LRFN5: variants seen among roughly 807,000 people sequenced by gnomAD.
LRFN5 encodes leucine-rich repeat and fibronectin type-III domain-containing protein 5.
LRFN5 carries 24 observed loss-of-function variants against 45.6 expected under a neutral mutation model. That is an observed-to-expected ratio of 0.53 (90% confidence interval 0.38 to 0.74). LRFN5 has a LOEUF of 0.74. LRFN5 is among the 30% of genes least tolerant of loss of function. LRFN5 has a pLI of 0.00. For synonymous variants in LRFN5, 340 were observed against 313.8 expected (o/e 1.08, Z -0.88); for missense variants, 776 against 861.5 (o/e 0.90, Z 1.24).
At chr14:41,639,418 T>C (rs1430615660) in intron 1 of LRFN5, among the ~76,000 whole-genome samples, 1 of 152,158 alleles carries the variant, frequency 6.6e-6, no homozygotes, top group African/African-American at 2.4e-5. Flanking sequence ...GAGGTTCTCA[T>C]TGAAAGAGAA....
At chr14:41,766,357 C>T (rs2138881087) in intron 1 of LRFN5, among the ~76,000 whole-genome samples, 1 of 152,172 alleles carries the variant, frequency 6.6e-6, no homozygotes, top group Non-Finnish European at 1.5e-5. Context: ...CTTTCATAGA[C>T]ATATAGGTTG....
chr14:41,828,499 A>G (rs1226542991), intron 2 of LRFN5, among the ~76,000 whole-genome samples: 1 of 151,976 alleles, frequency 6.6e-6, no homozygotes, highest in African/African-American at 2.4e-5. Context: ...AGCACATCCA[A>G]ATCAACATGT....
At chr14:41,832,250 A>G (rs1309126945) in intron 2 of LRFN5, among the ~76,000 whole-genome samples, 1 of 152,148 alleles carries the variant, frequency 6.6e-6, no homozygotes, top group Non-Finnish European at 1.5e-5. Context: ...ATTGTCTGTG[A>G]CATGGCTAGT....
At chr14:41,792,593 C>T (rs1315614657) in intron 2 of LRFN5, among the ~76,000 whole-genome samples, 1 of 151,968 alleles carries the variant, frequency 6.6e-6, no homozygotes, top group Non-Finnish European at 1.5e-5. Context: ...TTAGCAATAT[C>T]TGTCCTACTT....
intron 2 of LRFN5, among the ~76,000 whole-genome samples, chr14:41,822,196 A>G (rs1473845911): frequency 6.6e-6 from 1 of 151,392 alleles, no homozygotes; most frequent in Non-Finnish European, 1.5e-5. Flanking sequence ...TTCTTCCGCA[A>G]ATTTTGGGCT....
chr14:41,700,882 A>G (rs984909714), intron 1 of LRFN5: 12 of 152,236 alleles, frequency 7.9e-5, no homozygotes, highest in East Asian at 7.7e-4. Context: ...TGGTAACAGT[A>G]AAGATGATGG....
At chr14:41,778,074 A>C (rs1230541090) in intron 2 of LRFN5, among the ~76,000 whole-genome samples, 1 of 150,920 alleles carries the variant, frequency 6.6e-6, no homozygotes, top group Non-Finnish European at 1.5e-5. Context: ...GATAATTTTT[A>C]ATAGTATTTT....
chr14:41,707,398 A>G (rs1597046), intron 1 of LRFN5, among the ~76,000 whole-genome samples: 31,117 of 152,136 alleles, frequency 0.2, 3,409 homozygotes, highest in Non-Finnish European at 0.26. Context: ...TGATAATATC[A>G]TGTTTCTAAG....
chr14:41,642,343 T>A (rs1280643829), intron 1 of LRFN5, among the ~76,000 whole-genome samples: 1 of 152,158 alleles, frequency 6.6e-6, no homozygotes, highest in African/African-American at 2.4e-5. Context: ...CTTTCTCAGA[T>A]TTAGTATATC....
chr14:41,630,574 A>G (rs113687407), intron 1 of LRFN5, among the ~76,000 whole-genome samples: 97 of 152,144 alleles, frequency 6.4e-4, no homozygotes, highest in African/African-American at 2.1e-3. Flanking sequence ...TTTGTTGTCA[A>G]TTTAGATGTG....
rs201245702 is a variant in LRFN5 at position 41,682,374 on chromosome 14, ATTAG to A, written c.-197+73816_-197+73819del. On this transcript the variant is annotated intron_variant, in intron 1 of 5. Coordinates refer to ENST00000298119, the MANE Select transcript of LRFN5 (RefSeq NM_152447.5). ...GACAAAGTTAAAGTTTAGAGTTTTTATTAGTTATCTGTTTACTTATTAGTTAATT... is the reference window on the plus strand; with the variant it reads ...GACAAAGTTAAAGTTTAGAGTTTTTATTATCTGTTTACTTATTAGTTAATT... Among the ~76,000 whole-genome samples the A allele has an allele frequency of 7.4e-4, 112 of 152,218 alleles. 2 individuals are homozygous for A. In the East Asian group the frequency reaches 0.021, roughly 28 times the overall value.
At chr14:41,882,874 A>T (rs1208052576) in intron 2 of LRFN5, among the ~76,000 whole-genome samples, 5 of 95,164 alleles carry the variant, frequency 5.3e-5, no homozygotes, top group Non-Finnish European at 5.9e-5. Flanking sequence ...TTTGAGATGG[A>T]TTCTCGTTCT....
intron 2 of LRFN5, among the ~76,000 whole-genome samples, chr14:41,810,610 T>A (rs1887704678): frequency 6.6e-6 from 1 of 152,090 alleles, no homozygotes; most frequent in African/African-American, 2.4e-5. Flanking sequence ...AGGTTAAAAT[T>A]ATTTTCCTAA....
chr14:41,723,119 G>A (rs1371448951), intron 1 of LRFN5, among the ~76,000 whole-genome samples: 1 of 152,186 alleles, frequency 6.6e-6, no homozygotes, highest in Non-Finnish European at 1.5e-5. Flanking sequence ...AGACCCCAGT[G>A]CAGCACGATC....
chr14:41,780,206 A>T (rs535146156), intron 2 of LRFN5, among the ~76,000 whole-genome samples: 55 of 152,008 alleles, frequency 3.6e-4, no homozygotes, highest in African/African-American at 1.2e-3. Flanking sequence ...TATATTTCTT[A>T]TTATCCAAAT....
chr14:41,854,670 T>G (rs1889390962), intron 2 of LRFN5, among the ~76,000 whole-genome samples: 1 of 152,120 alleles, frequency 6.6e-6, no homozygotes, highest in African/African-American at 2.4e-5. Flanking sequence ...TTAGTGTAAT[T>G]GGAGGAAAGA....
chr14:41,869,449 G>C (rs998666219), intron 2 of LRFN5, among the ~76,000 whole-genome samples: 1 of 151,434 alleles, frequency 6.6e-6, no homozygotes, highest in African/African-American at 2.4e-5. Flanking sequence ...TTAAAAAAAG[G>C]TTTTTATTAG....
chr14:41,816,378 C>T (rs1159357815), intron 2 of LRFN5, among the ~76,000 whole-genome samples: 5 of 151,592 alleles, frequency 3.3e-5, no homozygotes, highest in African/African-American at 4.8e-5. Context: ...GTTTTATTTC[C>T]TTCTTTATGG....
intron 5 of LRFN5, among the ~76,000 whole-genome samples, chr14:41,900,981 AT>A (rs1257146298): frequency 1.3e-5 from 2 of 151,974 alleles, no homozygotes; most frequent in Non-Finnish European, 2.9e-5. Context: ...GTTAAGGTGA[AT>A]TTTTTTCTAA....
Sources: allele counts gnomAD v4.1 joint callset (sites outside exome capture counted in the v4.1 genomes callset), GRCh38; gene constraint gnomAD v4.1.1; transcripts MANE v1.5; gene names NCBI Gene and HGNC (gene_info 2026-07-23, HGNC 2026-07-21).